The following BBC3 variants were observed in gnomAD, a reference collection of about 807,000 sequenced individuals.
The protein encoded by BBC3 is bcl-2-binding component 3.
Under a neutral mutation model 18.2 loss-of-function variants are expected in BBC3, and 5 were observed. The observed-to-expected ratio is 0.27, with a 90% CI of 0.14 to 0.58. The LOEUF (loss-of-function observed/expected upper bound fraction) is 0.58. BBC3 is among the 20% of genes least tolerant of loss of function. BBC3 has a pLI of 0.91. For missense variants in BBC3, 224 were observed against 268.9 expected (o/e 0.83, Z 1.17); for synonymous variants, 119 against 128.0 (o/e 0.93, Z 0.47).
chr19:47,229,870 CAG>C (rs1371695898), intron 1 of BBC3, among the ~76,000 whole-genome samples: 5 of 152,084 alleles, frequency 3.3e-5, no homozygotes, highest in Non-Finnish European at 7.4e-5. Context: ...GGACAGAAAA[CAG>C]ACATTTGCAT....
intron 3 of BBC3, chr19:47,222,208 T>G (rs2058760115): frequency 6.3e-6 from 2 of 315,114 alleles, no homozygotes; most frequent in South Asian, 7.6e-5. Flanking sequence ...GAGAAAGACA[T>G]CCCCCAAGGG....
Position 47,221,336 on chromosome 19 carries a change from T to G in BBC3, c.*466A>C. 2 of 202,902 alleles carry G rather than the reference T, an allele frequency of 9.9e-6. No individual in the cohort carries two copies. The highest frequency in any genetic ancestry group is 2.0e-5 in the Non-Finnish European group (2 of 100,746). The allele number at this position is 202,902 out of a possible 1,614,324, so 12.6% of individuals were successfully genotyped here. On this transcript the variant is annotated 3_prime_UTR_variant, in exon 4 of 4. Transcript: ENST00000439096. ...GAGGCTAGTGGTCACGTTTGGCTCA[T>G]TTGCTCTTCACGGGCCCCCTCCCAG...
At chr19:47,231,961 G>A (rs569023095), upstream of BBC3, among the ~76,000 whole-genome samples, 25 of 152,234 alleles carry the variant, frequency 1.6e-4, no homozygotes, top group South Asian at 5.2e-3. This position sits in a 1 kb window ranked among gnomAD's most constrained non-coding sequence, Gnocchi z 4.0. Context: ...CCTGTTACAG[G>A]GATACCTGGA....
Position 47,228,094 on chromosome 19 carries a change from C to G in BBC3, c.274+64G>C, listed in dbSNP as rs891012326. 2 of 1,179,294 alleles carry G rather than the reference C, an allele frequency of 1.7e-6. No homozygotes were observed. The highest frequency in any genetic ancestry group is 3.2e-5 in the African/African-American group (2 of 63,084). 73.1% of individuals were successfully genotyped at this position (1,179,294 alleles called of 1,614,324 possible). On this transcript the variant is annotated intron_variant, in intron 2 of 3. Coordinates refer to ENST00000439096, the MANE Select transcript of BBC3 (RefSeq NM_014417.5). This position sits in a 1 kb window ranked among gnomAD's most constrained non-coding sequence, Gnocchi z 5.5. Reference sequence around the variant, plus strand: ...CCGTCCTCTCCCACTTCTCCAGTTCCTCCGAGTCTCCAGCCCTCTCTCTTC... The same window carrying G: ...CCGTCCTCTCCCACTTCTCCAGTTCGTCCGAGTCTCCAGCCCTCTCTCTTC...
rs546927299 is a variant in BBC3 at position 47,223,114 on chromosome 19, C to CA, written c.466-1197dup. On this transcript the variant is annotated intron_variant, in intron 3 of 3. Transcript: ENST00000439096. ...TGAAACCCCATCTCTACTAAAAATACAAAAAAATTAGCCGGGTGTGGTGGC... is the reference window on the plus strand; with the variant it reads ...TGAAACCCCATCTCTACTAAAAATACAAAAAAAATTAGCCGGGTGTGGTGGC... Among the ~76,000 whole-genome samples, 588 of 149,592 alleles carry CA rather than the reference C, an allele frequency of 3.9e-3. 5 individuals are homozygous for CA. Among genetic ancestry groups the CA allele is most frequent in the African/African-American group, 0.014 (560 of 40,510 alleles).
upstream of BBC3, among the ~76,000 whole-genome samples, chr19:47,231,742 C>T (rs1277446328): frequency 6.6e-6 from 1 of 152,106 alleles, no homozygotes; most frequent in Non-Finnish European, 1.5e-5. This position sits in a 1 kb window ranked among gnomAD's most constrained non-coding sequence, Gnocchi z 4.0. Flanking sequence ...GACAAGCAGA[C>T]GGACACAATG....
At chr19:47,221,940 G>T in intron 3 of BBC3, 22 bp from the exon 4 acceptor site, 1 of 1,583,744 alleles carries the variant, frequency 6.3e-7, no homozygotes, top group South Asian at 1.1e-5. Context: ...AGAGAGAAGG[G>T]GCAGTTAGCA....
intron 3 of BBC3, chr19:47,222,238 CCTAT>C (rs2058760451): frequency 3.9e-6 from 1 of 256,932 alleles, no homozygotes; most frequent in South Asian, 8.7e-5. Context: ...TGGACTGCAA[CCTAT>C]CCTGCCCCTC....
At position 47,221,599 on chromosome 19, in the gene BBC3, C is replaced by T; in HGVS notation, c.*203G>A. 9.1e-7 allele frequency: 1 copy of T among 1,097,822 alleles called. No homozygotes were observed. Among genetic ancestry groups the T allele is most frequent in the Admixed American group, 2.9e-5 (1 of 34,126 alleles). The allele number at this position is 1,097,822 out of a possible 1,614,324, so 68.0% of individuals were successfully genotyped here. On this transcript the variant is annotated 3_prime_UTR_variant, in exon 4 of 4. Coordinates refer to ENST00000439096, the MANE Select transcript of BBC3 (RefSeq NM_014417.5). ...CCTCTCCTGGCTTCTTGGCCAGGGA[C>T]CCAGGAGTCCGCATCTCCGTCAGTG...
At chr19:47,232,442 C>T, upstream of BBC3, 1 of 1,363,608 alleles carries the variant, frequency 7.3e-7, no homozygotes, top group Non-Finnish European at 1.0e-6. Context: ...GTCACAAAGT[C>T]ACACCTGTGA....
Position 47,226,564 on chromosome 19 carries a change from C to T in BBC3, c.465G>A (p.Arg155=), listed in dbSNP as rs1407460663. Residue 155 remains arginine (R), a splice_region_variant and synonymous_variant, in exon 3 of 4, where the codon CGG becomes CGA. Coordinates refer to ENST00000439096, the MANE Select transcript of BBC3 (RefSeq NM_014417.5). ...ADDLNAQYER[R]RQEEQQRHRP... ...CGTCTACCCCACCCCCAGCACTCAC[C>T]CGCCGCTCGTACTGTGCGTTGAGGT... 6.4e-7 allele frequency: 1 copy of T among 1,562,082 alleles called. No individual in the cohort carries two copies. The highest frequency in any genetic ancestry group is 8.6e-7 in the Non-Finnish European group (1 of 1,156,206).
chr19:47,224,503 G>C (rs2058787825), intron 3 of BBC3, among the ~76,000 whole-genome samples: 1 of 151,832 alleles, frequency 6.6e-6, no homozygotes, highest in Non-Finnish European at 1.5e-5. Context: ...GGATCTGCCT[G>C]TGGTCCCAGC....
At chr19:47,222,097 T>G in intron 3 of BBC3, 179 bp from the exon 4 acceptor site, 1 of 561,322 alleles carries the variant, frequency 1.8e-6, no homozygotes, top group South Asian at 2.6e-5. Context: ...ACATGAGACC[T>G]GGAGGCAGAG....
intron 3 of BBC3, among the ~76,000 whole-genome samples, chr19:47,226,170 G>C (rs957244966): frequency 5.9e-5 from 9 of 151,754 alleles, no homozygotes; most frequent in Admixed American, 3.9e-4. Context: ...GTGGCGCTGC[G>C]GGCCGCGCGA....
At chr19:47,232,495 G>A (rs2058923946), upstream of BBC3, 3 of 1,542,516 alleles carry the variant, frequency 1.9e-6, no homozygotes, top group South Asian at 3.6e-5. Context: ...GTCGGAGCAT[G>A]CACACCTGGC....
At chr19:47,226,161 T>C (rs2058815509) in intron 3 of BBC3, among the ~76,000 whole-genome samples, 1 of 151,628 alleles carries the variant, frequency 6.6e-6, no homozygotes, top group South Asian at 2.1e-4. Flanking sequence ...GGAAACTGTG[T>C]GGCGCTGCGG....
In BBC3 at chr19:47,221,934, A is replaced by G. The variant is rs553748375; in HGVS notation, c.466-16T>C. 6 of 1,588,136 alleles carry G rather than the reference A, an allele frequency of 3.8e-6. 1 individual carries two copies. Among genetic ancestry groups the G allele is most frequent in the Non-Finnish European group, 5.1e-6 (6 of 1,166,340 alleles). On this transcript the variant is annotated splice_polypyrimidine_tract_variant and intron_variant, in intron 3 of 3. Coordinates refer to ENST00000439096, the MANE Select transcript of BBC3 (RefSeq NM_014417.5). ...CCTCTTGTCTCTGGGGAAAAGAGAG[A>G]GAAGGGGCAGTTAGCAGGGGACTGA...
chr19:47,226,096 C>T (rs1005127966), intron 3 of BBC3, among the ~76,000 whole-genome samples: 1 of 151,910 alleles, frequency 6.6e-6, no homozygotes, highest in Non-Finnish European at 1.5e-5. Context: ...CGGGGCCTCC[C>T]GCGGGGCGGG....
chr19:47,227,323 C>G (rs995238697), intron 2 of BBC3: 16 of 141,056 alleles, frequency 1.1e-4, no homozygotes, highest in East Asian at 2.2e-4. Context: ...CCCCCCCCCC[C>G]CCCCACTTCT....
Sources: gnomAD v4.1 joint callset for allele counts (sites outside exome capture counted in the v4.1 genomes callset) on GRCh38, gnomAD v4.1.1 for gene constraint, Gnocchi (gnomAD v3.1) non-coding constraint, MANE v1.5 for transcripts, NCBI Gene and HGNC (gene_info 2026-07-23, HGNC 2026-07-21) for gene names.